MALRD1: variants seen among roughly 807,000 people sequenced by gnomAD.
MALRD1 encodes MAM and LDL-receptor class A domain-containing protein 1.
Under a neutral mutation model 242.1 loss-of-function variants are expected in MALRD1, and 247 were observed. That is an observed-to-expected ratio of 1.02 (90% confidence interval 0.92 to 1.13). The LOEUF is 1.13. Among genes scored for constraint, MALRD1 ranks in the 50% most tolerant of loss-of-function variants. The pLI, the probability that MALRD1 is intolerant of heterozygous loss-of-function variation, is 0.00. For synonymous variants in MALRD1, 995 were observed against 866.6 expected, an observed-to-expected ratio of 1.15 and a Z score of -2.60; for missense variants, 2,989 against 2,533.1, an observed-to-expected ratio of 1.18 and a Z score of -3.86.
At position 19,571,342 on chromosome 10, in the gene MALRD1, C is replaced by T. The variant is rs1333406180; in HGVS notation, c.5680+3639C>T. ...CCTTAACTTTCCAAATAGCAGCCAACGAAGTCAGACAGAATTTTTAGATGT... is the reference window on the plus strand; with the variant it reads ...CCTTAACTTTCCAAATAGCAGCCAATGAAGTCAGACAGAATTTTTAGATGT... On this transcript the variant is annotated intron_variant, in intron 33 of 39. Coordinates refer to ENST00000454679, the MANE Select transcript of MALRD1 (RefSeq NM_001142308.3). Among the ~76,000 whole-genome samples the T allele has an allele frequency of 2.0e-5, 3 of 151,178 alleles. No individual in the cohort carries two copies. In the East Asian group the frequency reaches 5.8e-4, roughly 29 times the overall value.
At chr10:19,101,138 T>A (rs1363977833) in intron 4 of MALRD1, among the ~76,000 whole-genome samples, 2 of 151,372 alleles carry the variant, frequency 1.3e-5, no homozygotes, top group African/African-American at 2.4e-5. Context: ...TATCATTACA[T>A]TGTACAAAGA....
intron 28 of MALRD1, 107 bp downstream of exon 28, chr10:19,389,716 T>G (rs996479673): frequency 1.8e-5 from 22 of 1,226,922 alleles, no homozygotes; most frequent in Non-Finnish European, 2.2e-5. Flanking sequence ...CATGGCTTAC[T>G]GCAGCCTCCA....
At chr10:19,675,932 G>A (rs1168755871) in intron 36 of MALRD1, among the ~76,000 whole-genome samples, 1 of 152,186 alleles carries the variant, frequency 6.6e-6, no homozygotes, top group Non-Finnish European at 1.5e-5. Context: ...CTAAAGCACA[G>A]GTACAAAGAA....
Position 19,682,755 on chromosome 10 carries a change from A to G in MALRD1, c.6138-9527A>G, listed in dbSNP as rs186791735. Among the ~76,000 whole-genome samples the G allele has an allele frequency of 7.6e-4, 115 of 152,272 alleles. No individual in the cohort carries two copies. In the East Asian group the frequency reaches 0.02, roughly 26 times the overall value. Reference sequence around the variant, plus strand: ...GAATAGCTTGCTGAGGATTACCTCAATTTCCCCTTCTGCTGACAGAGGCTC... The same window carrying G: ...GAATAGCTTGCTGAGGATTACCTCAGTTTCCCCTTCTGCTGACAGAGGCTC... On this transcript the variant is annotated intron_variant, in intron 36 of 39. Transcript: ENST00000454679.
At chr10:19,342,093 A>C (rs914388900) in intron 24 of MALRD1, among the ~76,000 whole-genome samples, 8 of 152,118 alleles carry the variant, frequency 5.3e-5, no homozygotes, top group African/African-American at 1.9e-4. Flanking sequence ...CAGTAAGTTT[A>C]TATTACGTAT....
chr10:19,239,074 T>C (rs1026222737), intron 18 of MALRD1, among the ~76,000 whole-genome samples: 11 of 151,858 alleles, frequency 7.2e-5, no homozygotes, highest in Non-Finnish European at 1.3e-4. Flanking sequence ...TTTTTTTTTT[T>C]TTGAGAAGGA....
chr10:19,464,031 G>A (rs4748584), intron 29 of MALRD1, among the ~76,000 whole-genome samples: 123,881 of 152,146 alleles, frequency 0.81, 50,626 homozygotes, highest in East Asian at 1. Context: ...ACAATTGTCT[G>A]TTTATGTCCT....
At chr10:19,376,551 T>A (rs955483939) in intron 26 of MALRD1, among the ~76,000 whole-genome samples, 5,239 of 139,122 alleles carry the variant, frequency 0.038, 251 homozygotes, top group African/African-American at 0.086. Flanking sequence ...TCTTTTTTTT[T>A]TTTTTTTTTT....
chr10:19,199,196 G>C (rs1298061835), intron 14 of MALRD1, among the ~76,000 whole-genome samples: 4 of 152,162 alleles, frequency 2.6e-5, no homozygotes, highest in Non-Finnish European at 5.9e-5. Flanking sequence ...AAAGGAACAA[G>C]AAGAGTCAAT....
At chr10:19,453,427 A>G (rs1835433878) in intron 29 of MALRD1, among the ~76,000 whole-genome samples, 1 of 152,200 alleles carries the variant, frequency 6.6e-6, no homozygotes, top group Non-Finnish European at 1.5e-5. Flanking sequence ...AAAATATTCT[A>G]ATGTTGTTTA....
rs1339213657 is a variant in MALRD1 at position 19,474,521 on chromosome 10, C to T, written c.5030-16996C>T. 6.6e-5 allele frequency among the ~76,000 whole-genome samples: 10 copies of T among 152,222 alleles called. No homozygotes were observed. In the East Asian group the frequency reaches 1.5e-3, roughly 24 times the overall value. On this transcript the variant is annotated intron_variant, in intron 29 of 39. Coordinates refer to ENST00000454679, the MANE Select transcript of MALRD1 (RefSeq NM_001142308.3). The stretch of plus-strand genomic sequence containing the variant: ...ATACATTTCGACACAGTCTGTTGAA[C>T]AATGTCTTCTGCCATCCTTTTCATT...
chr10:19,547,785 CATATATATATATATATATATATAT>C (rs1160775136), intron 32 of MALRD1, among the ~76,000 whole-genome samples: 1 of 16,200 alleles, frequency 6.2e-5, no homozygotes, highest in Non-Finnish European at 1.4e-4. Flanking sequence ...TTCACAGATA[CATATATATATATATATATATATAT>C]ATATATATAT....
At position 19,311,318 on chromosome 10, in the gene MALRD1, A is replaced by T. The variant is rs560033960; in HGVS notation, c.3420-12631A>T. Among the ~76,000 whole-genome samples, 392 of 151,484 alleles carry T rather than the reference A, an allele frequency of 2.6e-3. 1 individual carries two copies. The highest frequency in any genetic ancestry group is 8.6e-3 in the African/African-American group (356 of 41,450). ...AAAAAAAGAAGAAAGACACAGAAAA[A>T]TGTCTTGAGCTAGAATTTGGGGAAA... On this transcript the variant is annotated intron_variant, in intron 21 of 39. Coordinates refer to ENST00000454679, the MANE Select transcript of MALRD1 (RefSeq NM_001142308.3).
intron 19 of MALRD1, among the ~76,000 whole-genome samples, chr10:19,265,589 G>T (rs1321289738): frequency 6.6e-6 from 1 of 152,032 alleles, no homozygotes; most frequent in East Asian, 1.9e-4. Context: ...AAAAGATGCT[G>T]GATATGACTT....
chr10:19,615,382 G>A (rs1241297800), intron 35 of MALRD1, among the ~76,000 whole-genome samples: 2 of 151,356 alleles, frequency 1.3e-5, no homozygotes, highest in Non-Finnish European at 2.9e-5. Flanking sequence ...GGCAAGTGTA[G>A]TAGTGTGCCC....
At chr10:19,313,426 G>C (rs2131997135) in intron 21 of MALRD1, among the ~76,000 whole-genome samples, 1 of 151,120 alleles carries the variant, frequency 6.6e-6, no homozygotes, top group South Asian at 2.1e-4. Flanking sequence ...ATGTTTTTTG[G>C]CCTAAAATCT....
At chr10:19,415,023 G>A (rs1011463760) in intron 28 of MALRD1, among the ~76,000 whole-genome samples, 1 of 151,876 alleles carries the variant, frequency 6.6e-6, no homozygotes, top group Non-Finnish European at 1.5e-5. Context: ...TGTCAACCAC[G>A]GTTTGTTTCA....
chr10:19,271,844 C>T lies in MALRD1; in HGVS notation c.3080-8203C>T, dbSNP rs924112811. ...TGTGAGAGGATATTTGGTGTACTTGCAAATGAAAAAAATCATAAAAGCAAA... is the reference window on the plus strand; with the variant it reads ...TGTGAGAGGATATTTGGTGTACTTGTAAATGAAAAAAATCATAAAAGCAAA... On this transcript the variant is annotated intron_variant, in intron 19 of 39. Transcript: ENST00000454679. Among the ~76,000 whole-genome samples, 3 of 151,830 alleles carry T rather than the reference C, an allele frequency of 2.0e-5. No individual in the cohort carries two copies. The East Asian group carries it at 5.8e-4, about 29-fold the overall frequency.
chr10:19,323,187 T>G (rs1303676569), intron 21 of MALRD1, among the ~76,000 whole-genome samples: 1 of 152,184 alleles, frequency 6.6e-6, no homozygotes, highest in African/African-American at 2.4e-5. Flanking sequence ...AGAGTAAATT[T>G]GAATGGAAAC....
Sources: gnomAD v4.1 joint callset for allele counts (sites outside exome capture counted in the v4.1 genomes callset) on GRCh38, gnomAD v4.1.1 for gene constraint, MANE v1.5 for transcripts, NCBI Gene and HGNC (gene_info 2026-07-23, HGNC 2026-07-21) for gene names.